The following TMPRSS7 variants were observed in gnomAD, a reference collection of about 807,000 sequenced individuals.
TMPRSS7 encodes the protein transmembrane serine protease 7.
In TMPRSS7, 81 loss-of-function variants were observed where a neutral mutation model predicts 95.6. The observed-to-expected ratio is 0.85, with a 90% CI of 0.71 to 1.02. The LOEUF (loss-of-function observed/expected upper bound fraction) is 1.02, where lower values mean the gene tolerates loss of function less well. Among genes scored for constraint, TMPRSS7 ranks in the 50% least tolerant of loss-of-function variants. TMPRSS7 has a pLI of 0.00. For synonymous variants in TMPRSS7, 364 were observed against 337.8 expected (o/e 1.08, Z -0.85); for missense variants, 945 against 955.2 (o/e 0.99, Z 0.14).
intron 13 of TMPRSS7, 145 bp downstream of exon 13, chr3:112,066,647 C>G: frequency 1.4e-6 from 1 of 699,646 alleles, no homozygotes; most frequent in Non-Finnish European, 2.4e-6. Flanking sequence ...ACTGAAAGTC[C>G]CTTGTCTTGG....
intron 10 of TMPRSS7, among the ~76,000 whole-genome samples, chr3:112,058,626 C>T (rs1049439817): frequency 6.6e-6 from 1 of 152,128 alleles, no homozygotes; most frequent in Non-Finnish European, 1.5e-5. Flanking sequence ...AAAGATACTG[C>T]ATTTTGGTAT....
At chr3:112,081,268 T>TC, downstream of TMPRSS7, 1 of 223,172 alleles carries the variant, frequency 4.5e-6, no homozygotes, top group Non-Finnish European at 7.9e-6. Flanking sequence ...CTGTCTCTAC[T>TC]GAAAAAAAAA....
At chr3:112,044,275 A>C (rs942838017) in exon 4 of TMPRSS7, 1 of 1,550,906 alleles carries the variant, frequency 6.4e-7, no homozygotes, top group Non-Finnish European at 8.7e-7. Context: ...TTTATACAAC[A>C]TCTGCCTTCT....
At chr3:112,047,601 C>A in intron 6 of TMPRSS7, 138 bp from the exon 7 acceptor site, 1 of 677,552 alleles carries the variant, frequency 1.5e-6, no homozygotes, top group Admixed American at 2.3e-5. Flanking sequence ...TACCAGAAGG[C>A]AGGGAAGTGG....
chr3:112,080,555 A>T (rs1201449303), intron 17 of TMPRSS7, among the ~76,000 whole-genome samples: 1 of 82,854 alleles, frequency 1.2e-5, no homozygotes, highest in Non-Finnish European at 2.6e-5. Flanking sequence ...TACCACCACT[A>T]CTACTACTAC....
chr3:112,050,291 G>A (rs2073329054), intron 8 of TMPRSS7, among the ~76,000 whole-genome samples: 1 of 152,104 alleles, frequency 6.6e-6, no homozygotes, highest in Non-Finnish European at 1.5e-5. Context: ...AAGAGGTTGA[G>A]ATTATTACAG....
intron 8 of TMPRSS7, 76 bp downstream of exon 8, chr3:112,050,050 G>T: frequency 7.1e-7 from 1 of 1,406,994 alleles, no homozygotes; most frequent in Non-Finnish European, 9.5e-7. Context: ...CTTTCTGGAA[G>T]CTGTGTTGTA....
chr3:112,038,602 C>G (rs1275694178), intron 2 of TMPRSS7, among the ~76,000 whole-genome samples: 1 of 151,920 alleles, frequency 6.6e-6, no homozygotes, highest in East Asian at 1.9e-4. Context: ...TCCCGAGTAG[C>G]TGAGACCACA....
At chr3:112,071,452 T>C (rs141562090) in intron 13 of TMPRSS7, among the ~76,000 whole-genome samples, 1 of 152,322 alleles carries the variant, frequency 6.6e-6, no homozygotes, top group East Asian at 1.9e-4. Context: ...AGGAGTATCT[T>C]TGTGGTGTTC....
intron 11 of TMPRSS7, among the ~76,000 whole-genome samples, chr3:112,062,888 G>A (rs1021526437): frequency 7.9e-5 from 12 of 152,080 alleles, no homozygotes; most frequent in Non-Finnish European, 1.8e-4. Context: ...ATTCAAGATC[G>A]GGAATGAATC....
chr3:112,050,147 G>GT (rs1333972719), intron 8 of TMPRSS7, among the ~76,000 whole-genome samples, 173 bp downstream of exon 8: 1 of 152,202 alleles, frequency 6.6e-6, no homozygotes, highest in African/African-American at 2.4e-5. Flanking sequence ...AATGAATTCT[G>GT]TAAGAACTAT....
intron 9 of TMPRSS7, among the ~76,000 whole-genome samples, chr3:112,051,617 A>C (rs1559955814): frequency 1.4e-5 from 2 of 140,436 alleles, no homozygotes. Context: ...TTATCTATCT[A>C]TCTCTATCAT....
At chr3:112,038,861 C>T (rs2073178127) in intron 2 of TMPRSS7, among the ~76,000 whole-genome samples, 1 of 151,980 alleles carries the variant, frequency 6.6e-6, no homozygotes, top group African/African-American at 2.4e-5. Context: ...CCATTTTCTC[C>T]CCATAGGAGA....
At position 112,063,547 on chromosome 3, in the gene TMPRSS7, A is replaced by T. The variant is rs769992992; in HGVS notation, c.1470A>T (p.Arg490Ser). 36 of 1,613,842 alleles carry T rather than the reference A, an allele frequency of 2.2e-5. No individual in the cohort carries two copies. In the Admixed American group the frequency reaches 5.8e-4, roughly 26 times the overall value. The stretch of plus-strand genomic sequence containing the variant: ...TAGCCTGCCCTGTTGGATCTTTTAG[A>T]TGCTCCTCCGGTTTATGTGTCCCTC... Residue 490 changes from arginine (R) to serine (S), a missense_variant, in exon 12 of 18, where the codon AGA becomes AGT. Coordinates refer to ENST00000452346, the Ensembl canonical transcript of TMPRSS7.
chr3:112,065,657 C>T (rs1013900910), intron 12 of TMPRSS7, among the ~76,000 whole-genome samples: 5 of 152,168 alleles, frequency 3.3e-5, no homozygotes, highest in African/African-American at 1.2e-4. Context: ...TATCCTCCTA[C>T]CTGCCCTCAC....
chr3:112,074,528 C>A (rs2073690101), intron 14 of TMPRSS7, 116 bp downstream of exon 14: 3 of 673,734 alleles, frequency 4.5e-6, no homozygotes, highest in Non-Finnish European at 7.4e-6. Context: ...ATAGCCAAAA[C>A]AAGAATAGTA....
chr3:112,043,443 T>A (rs2073237402), intron 3 of TMPRSS7, among the ~76,000 whole-genome samples: 1 of 151,676 alleles, frequency 6.6e-6, no homozygotes, highest in African/African-American at 2.4e-5. Context: ...ACTTTATAGG[T>A]GAAAAAGAAA....
intron 9 of TMPRSS7, among the ~76,000 whole-genome samples, chr3:112,055,600 G>C (rs1488227173): frequency 6.6e-6 from 1 of 151,986 alleles, no homozygotes; most frequent in Non-Finnish European, 1.5e-5. Context: ...ACCTAAAACT[G>C]AACTTTATGT....
In TMPRSS7 at chr3:112,068,186, A is replaced by G. The variant is rs544395076; in HGVS notation, c.1666+1684A>G. On this transcript the variant is annotated intron_variant, in intron 13 of 17. Coordinates refer to ENST00000452346, the Ensembl canonical transcript of TMPRSS7. The stretch of plus-strand genomic sequence containing the variant: ...TCTGTTCTGTTCCATTGCTCTATAT[A>G]TCTGTTTTGGTACCAGCACCATGCT... Among the ~76,000 whole-genome samples the G allele has an allele frequency of 1.3e-5, 2 of 152,114 alleles. 1 individual carries two copies. The highest frequency in any genetic ancestry group is 1.3e-4 in the Admixed American group (2 of 15,266).
Sources: allele counts gnomAD v4.1 joint callset (sites outside exome capture counted in the v4.1 genomes callset), GRCh38; gene constraint gnomAD v4.1.1; transcripts MANE v1.5; gene names NCBI Gene and HGNC (gene_info 2026-07-23, HGNC 2026-07-21).